SLC44A5: variants seen among roughly 807,000 people sequenced by gnomAD.
The protein encoded by SLC44A5 is solute carrier family 44 member 5.
Under a neutral mutation model 101.8 loss-of-function variants are expected in SLC44A5, and 57 were observed. That is an observed-to-expected ratio of 0.56 (90% CI 0.45 to 0.70). The LOEUF (loss-of-function observed/expected upper bound fraction) is 0.70. Among genes scored for constraint, SLC44A5 ranks in the 30% least tolerant of loss-of-function variants. The probability of loss-of-function intolerance (pLI) is 0.00; values close to 1 mark genes in which losing one functional copy is unlikely to be tolerated. For missense variants in SLC44A5, 737 were observed against 853.1 expected (o/e 0.86, Z 1.70); for synonymous variants, 281 against 290.9 (o/e 0.97, Z 0.35).
At chr1:75,547,467 G>A (rs211766) in intron 1 of SLC44A5, among the ~76,000 whole-genome samples, 145,983 of 152,276 alleles carry the variant, frequency 0.96, 70,009 homozygotes, top group East Asian at 0.98. Context: ...AAACTTAGCT[G>A]TGATTCTAAA....
At chr1:75,492,175 T>G (rs150546171) in intron 2 of SLC44A5, among the ~76,000 whole-genome samples, 33 of 152,296 alleles carry the variant, frequency 2.2e-4, no homozygotes, top group African/African-American at 7.7e-4. Context: ...CAAAACATGA[T>G]GAGGAGGTTG....
intron 2 of SLC44A5, among the ~76,000 whole-genome samples, chr1:75,463,246 C>G (rs890011194): frequency 6.6e-6 from 1 of 151,894 alleles, no homozygotes; most frequent in African/African-American, 2.4e-5. Context: ...ACGGTGAAAC[C>G]CCGTCTCTAC....
rs757434928 is a variant in SLC44A5 at position 75,339,610 on chromosome 1, G to C, written c.73C>G (p.Pro25Ala). 4 of 1,607,764 alleles carry C rather than the reference G, an allele frequency of 2.5e-6. No homozygotes were observed. In the Admixed American group the frequency reaches 5.0e-5, roughly 20 times the overall value. ...TTGGCAACAGGCCCCTTGAAATCTGGGTCATATGTCCTTGGATCACCTGCA... is the reference window on the plus strand; with the variant it reads ...TTGGCAACAGGCCCCTTGAAATCTGCGTCATATGTCCTTGGATCACCTGCA... ...EDFGDPRTYDPDFKGPVANRS... is the reference protein window; with the variant it reads ...EDFGDPRTYDADFKGPVANRS... Residue 25 changes from proline (P) to alanine (A), a missense_variant, in exon 4 of 24, where the codon CCA (proline) becomes GCA (alanine). Physicochemically the swap from Pro to Ala is conservative, Grantham distance 27 (BLOSUM62 -1). This residue lies in a region of SLC44A5 where 665 missense variants were observed against 764.4 expected (regional missense o/e 0.87). Transcript: ENST00000370859.
intron 2 of SLC44A5, among the ~76,000 whole-genome samples, chr1:75,432,249 G>A (rs971357049): frequency 1.8e-4 from 27 of 151,994 alleles, no homozygotes; most frequent in Admixed American, 1.3e-4. Context: ...TACACAAATT[G>A]AATCGAAGTA....
intron 2 of SLC44A5, among the ~76,000 whole-genome samples, chr1:75,399,553 A>G (rs983430733): frequency 6.6e-6 from 1 of 152,192 alleles, no homozygotes; most frequent in African/African-American, 2.4e-5. Flanking sequence ...TTTGGACAGA[A>G]TGTGGTAAAT....
the SLC44A5 span, among the ~76,000 whole-genome samples, chr1:75,696,920 C>T: frequency 1.1e-4 from 17 of 151,258 alleles, no homozygotes; most frequent in East Asian, 2.3e-3. Flanking sequence ...ATGAGAGTCA[C>T]GGAGTTTTGT....
the SLC44A5 span, among the ~76,000 whole-genome samples, chr1:75,671,474 A>C: frequency 6.6e-6 from 1 of 152,210 alleles, no homozygotes; most frequent in African/African-American, 2.4e-5. Context: ...AGTAAGTAAA[A>C]TTCATAAATA....
At chr1:75,231,791 C>A (rs1174854286) in intron 12 of SLC44A5, among the ~76,000 whole-genome samples, 2 of 152,068 alleles carry the variant, frequency 1.3e-5, no homozygotes, top group African/African-American at 4.8e-5. Flanking sequence ...TTTTTCATAC[C>A]TTAAATAGAT....
the SLC44A5 span, among the ~76,000 whole-genome samples, chr1:75,670,728 T>C: frequency 2.2e-4 from 34 of 152,304 alleles, no homozygotes; most frequent in South Asian, 7.0e-3. Context: ...ATATTCTTTC[T>C]GACAAGGAGT....
At chr1:75,666,467 A>T in the SLC44A5 span, among the ~76,000 whole-genome samples, 1 of 152,182 alleles carries the variant, frequency 6.6e-6, no homozygotes, top group Non-Finnish European at 1.5e-5. Context: ...AACTAAAAAA[A>T]GTCCAGGACC....
intron 3 of SLC44A5, among the ~76,000 whole-genome samples, chr1:75,366,854 T>A (rs1659892434): frequency 6.6e-6 from 1 of 152,236 alleles, no homozygotes; most frequent in Admixed American, 6.5e-5. Context: ...ATTTTTTAGC[T>A]CCTAGATTTC....
At chr1:75,430,941 T>C (rs1026189521) in intron 2 of SLC44A5, among the ~76,000 whole-genome samples, 1 of 152,146 alleles carries the variant, frequency 6.6e-6, no homozygotes, top group Admixed American at 6.6e-5. Flanking sequence ...CATTTAAACA[T>C]CCAGCATTAA....
At chr1:75,669,930 G>A in the SLC44A5 span, among the ~76,000 whole-genome samples, 3 of 152,048 alleles carry the variant, frequency 2.0e-5, no homozygotes, top group African/African-American at 7.2e-5. Context: ...CTGTTTTGAG[G>A]GTTGAATTAT....
At chr1:75,555,236 G>A (rs967013750) in intron 1 of SLC44A5, among the ~76,000 whole-genome samples, 2 of 152,066 alleles carry the variant, frequency 1.3e-5, no homozygotes, top group African/African-American at 4.8e-5. Flanking sequence ...ACTTTATATT[G>A]ATAAAAATCA....
At chr1:75,385,477 C>G (rs190575086) in intron 3 of SLC44A5, among the ~76,000 whole-genome samples, 12 of 151,944 alleles carry the variant, frequency 7.9e-5, no homozygotes. Context: ...ATAAATTCCT[C>G]GACACATACA....
At chr1:75,220,946 G>A (rs565662059) in intron 14 of SLC44A5, among the ~76,000 whole-genome samples, 1 of 152,208 alleles carries the variant, frequency 6.6e-6, no homozygotes, top group Non-Finnish European at 1.5e-5. Context: ...TACCCCCTGA[G>A]CAAACTACCA....
chr1:75,471,440 G>A (rs896626479), intron 2 of SLC44A5, among the ~76,000 whole-genome samples: 2 of 151,338 alleles, frequency 1.3e-5, no homozygotes, highest in African/African-American at 4.9e-5. Context: ...AATTAAATCA[G>A]AACCAGGACA....
intron 6 of SLC44A5, among the ~76,000 whole-genome samples, chr1:75,265,491 G>C (rs994784367): frequency 2.6e-5 from 4 of 152,120 alleles, no homozygotes; most frequent in Admixed American, 2.6e-4. Context: ...ACATTTTAAT[G>C]TTCCATAGCA....
intron 1 of SLC44A5, among the ~76,000 whole-genome samples, chr1:75,569,133 C>T (rs1672934203): frequency 6.6e-6 from 1 of 152,048 alleles, no homozygotes; most frequent in Admixed American, 6.6e-5. Flanking sequence ...AAATTGACTT[C>T]CCTTTTACCC....
Sources: gnomAD v4.1 joint callset for allele counts (sites outside exome capture counted in the v4.1 genomes callset) on GRCh38, gnomAD v4.1.1 for gene constraint, gnomAD v4.1.1 regional missense constraint, MANE v1.5 for transcripts, NCBI Gene and HGNC (gene_info 2026-07-23, HGNC 2026-07-21) for gene names.